The following SFSWAP variants were observed in gnomAD, a reference collection of about 807,000 sequenced individuals.
SFSWAP encodes the protein splicing factor, suppressor of white-apricot homolog.
A neutral mutation model predicts 100.7 loss-of-function variants in SFSWAP; 17 were observed. The ratio of observed to expected loss-of-function variants is 0.17; its 90% CI spans 0.12 to 0.25. The LOEUF (loss-of-function observed/expected upper bound fraction) is 0.25. Ranked by LOEUF, SFSWAP falls within the 10% of genes least tolerant of loss-of-function variation. SFSWAP has a pLI of 1.00. For missense variants in SFSWAP, 1,005 were observed against 1,262.6 expected (o/e 0.80, Z 3.09); for synonymous variants, 504 against 510.1 (o/e 0.99, Z 0.16).
intron 15 of SFSWAP, among the ~76,000 whole-genome samples, chr12:131,793,875 G>A (rs1191658984): frequency 1.3e-5 from 2 of 152,060 alleles, no homozygotes; most frequent in Non-Finnish European, 2.9e-5. Context: ...AGGACTAGAC[G>A]GGGGTCACCC....
At chr12:131,799,274 CCCGCA>C (rs990721439) in intron 17 of SFSWAP, 144 bp from the exon 18 acceptor site, 11 of 1,017,408 alleles carry the variant, frequency 1.1e-5, no homozygotes, top group Non-Finnish European at 1.7e-5. Context: ...AGCCGTGTGG[CCCGCA>C]CCCTGCACAG....
chr12:131,751,936 T>A (rs1469714521), intron 7 of SFSWAP, among the ~76,000 whole-genome samples: 1 of 152,236 alleles, frequency 6.6e-6, no homozygotes, highest in Non-Finnish European at 1.5e-5. Flanking sequence ...TTTGGAGTAT[T>A]ACTGTTTCTG....
chr12:131,767,044 G>C (rs1319101188), intron 13 of SFSWAP, among the ~76,000 whole-genome samples: 8 of 69,170 alleles, frequency 1.2e-4, no homozygotes, highest in Non-Finnish European at 2.3e-4. Flanking sequence ...GCCTTCAGTA[G>C]ACACTGGCTC....
intron 7 of SFSWAP, among the ~76,000 whole-genome samples, chr12:131,737,318 C>G (rs1199049760): frequency 2.0e-5 from 3 of 152,142 alleles, no homozygotes; most frequent in East Asian, 1.9e-4. Flanking sequence ...GTAAGAAGGA[C>G]CAGTGGCCAG....
At chr12:131,760,687 A>T in intron 11 of SFSWAP, among the ~76,000 whole-genome samples, 1 of 152,186 alleles carries the variant, frequency 6.6e-6, no homozygotes, top group East Asian at 1.9e-4. Context: ...GGAAACAGTT[A>T]TGGGAAATTG....
chr12:131,740,001 G>T (rs932310632), intron 7 of SFSWAP, among the ~76,000 whole-genome samples: 1 of 152,086 alleles, frequency 6.6e-6, no homozygotes, highest in Non-Finnish European at 1.5e-5. Flanking sequence ...TCTGCCTGTC[G>T]AAAAATGCCT....
At chr12:131,759,000 T>C (rs1566034362) in intron 11 of SFSWAP, among the ~76,000 whole-genome samples, 1 of 152,148 alleles carries the variant, frequency 6.6e-6, no homozygotes, top group Non-Finnish European at 1.5e-5. Flanking sequence ...GGTGGGAGGA[T>C]CTTTTGAGCC....
At chr12:131,797,124 G>T in intron 15 of SFSWAP, 54 bp from the exon 16 acceptor site, 1 of 1,530,540 alleles carries the variant, frequency 6.5e-7, no homozygotes, top group Admixed American at 1.8e-5. Flanking sequence ...TTCTCCCTTT[G>T]TGCCCTGCCT....
intron 17 of SFSWAP, 144 bp downstream of exon 17, chr12:131,799,253 G>C (rs1288519052): frequency 9.9e-7 from 1 of 1,012,096 alleles, no homozygotes; most frequent in Non-Finnish European, 1.5e-6. Context: ...TCTGGGTGAG[G>C]CCGAGGGCAA....
chr12:131,775,040 G>T (rs545325244), intron 13 of SFSWAP, among the ~76,000 whole-genome samples: 1 of 152,182 alleles, frequency 6.6e-6, no homozygotes, highest in African/African-American at 2.4e-5. Flanking sequence ...CTCAGATGGC[G>T]TCTCGCGCCC....
chr12:131,778,558 C>T lies in SFSWAP; in HGVS notation c.2408+228C>T, dbSNP rs183403478. 2.0e-5 allele frequency among the ~76,000 whole-genome samples: 3 copies of T among 152,142 alleles called. No individual in the cohort carries two copies. The highest frequency in any genetic ancestry group is 7.2e-5 in the African/African-American group (3 of 41,428). On this transcript the variant is annotated intron_variant, in intron 14 of 17. Transcript: ENST00000261674. This position sits in a 1 kb window ranked among gnomAD's most constrained non-coding sequence, Gnocchi z 4.2. ...TTGAGACAGAGTTTTGTTCTTGTTG[C>T]CCAGGCTAGAGTGCAGTGGTGCGAT...
intron 7 of SFSWAP, among the ~76,000 whole-genome samples, chr12:131,746,966 T>A (rs1307223366): frequency 1.3e-5 from 2 of 151,954 alleles, no homozygotes; most frequent in East Asian, 3.9e-4. Flanking sequence ...TAGCCGGGTG[T>A]GGTGGCGGGT....
rs148497654 is a variant in SFSWAP at position 131,782,511 on chromosome 12, T to C, written c.2409-3952T>C. 7.5e-4 allele frequency among the ~76,000 whole-genome samples: 115 copies of C among 152,362 alleles called. 2 individuals carry two copies. In the East Asian group the frequency reaches 0.019, roughly 26 times the overall value. On this transcript the variant is annotated intron_variant, in intron 14 of 17. Transcript: ENST00000261674. The stretch of plus-strand genomic sequence containing the variant: ...ACTCAGAATGGATCGGACTTGTCAC[T>C]TGGGCCTGAACAGACCTAATTGATC...
At chr12:131,771,722 C>T (rs1470352143) in intron 13 of SFSWAP, among the ~76,000 whole-genome samples, 3 of 142,730 alleles carry the variant, frequency 2.1e-5, no homozygotes, top group Non-Finnish European at 3.0e-5. Flanking sequence ...AGCGCGATCT[C>T]GGCTCAATTG....
intron 7 of SFSWAP, among the ~76,000 whole-genome samples, chr12:131,752,741 C>G (rs1251657296): frequency 1.3e-5 from 2 of 152,212 alleles, no homozygotes; most frequent in Admixed American, 1.3e-4. Context: ...CATTTAGGAG[C>G]ATAGGTGGCC....
intron 15 of SFSWAP, chr12:131,796,679 G>T (rs1247286848): frequency 1.3e-5 from 2 of 153,104 alleles, no homozygotes; most frequent in Non-Finnish European, 2.9e-5. Context: ...CTGTCTGGGA[G>T]GCTGAGGCAG....
chr12:131,750,535 C>A (rs1385946222), intron 7 of SFSWAP, among the ~76,000 whole-genome samples: 1 of 152,198 alleles, frequency 6.6e-6, no homozygotes, highest in African/African-American at 2.4e-5. Context: ...GTGAGAATCT[C>A]CTGGGTCTGG....
intron 12 of SFSWAP, 83 bp downstream of exon 12, chr12:131,764,769 G>T: frequency 1.0e-6 from 1 of 970,660 alleles, no homozygotes; most frequent in Admixed American, 2.6e-5. Flanking sequence ...AAATCTCGAG[G>T]CTGCCAACTA....
At chr12:131,793,324 T>A (rs1012789317) in intron 15 of SFSWAP, among the ~76,000 whole-genome samples, 1 of 151,878 alleles carries the variant, frequency 6.6e-6, no homozygotes, top group Non-Finnish European at 1.5e-5. Flanking sequence ...GCTCAAGCAG[T>A]CCTCCTACCT....
Sources: gnomAD v4.1 joint callset for allele counts (sites outside exome capture counted in the v4.1 genomes callset) on GRCh38, gnomAD v4.1.1 for gene constraint, Gnocchi (gnomAD v3.1) non-coding constraint, MANE v1.5 for transcripts, NCBI Gene and HGNC (gene_info 2026-07-23, HGNC 2026-07-21) for gene names.